AGPS: variants seen among roughly 807,000 people sequenced by gnomAD.
AGPS encodes the protein alkylglycerone phosphate synthase, also known as alkyldihydroxyacetonephosphate synthase, peroxisomal.
AGPS carries 26 observed loss-of-function variants against 90.7 expected under a neutral mutation model. The observed-to-expected ratio is 0.29, with a 90% confidence interval of 0.21 to 0.40. The LOEUF (loss-of-function observed/expected upper bound fraction) is 0.40. Among genes scored for constraint, AGPS ranks in the 10% least tolerant of loss-of-function variants. The pLI, the probability that AGPS is intolerant of heterozygous loss-of-function variation, is 1.00. For missense variants in AGPS, 540 were observed against 816.1 expected, an observed-to-expected ratio of 0.66 and a Z score of 4.12; for synonymous variants, 294 against 285.3, an observed-to-expected ratio of 1.03 and a Z score of -0.31.
At chr2:177,407,753 A>G (rs1685506127) in intron 1 of AGPS, among the ~76,000 whole-genome samples, 1 of 151,766 alleles carries the variant, frequency 6.6e-6, no homozygotes, top group Admixed American at 6.6e-5. Context: ...GGAGGTACTC[A>G]GTGGCAATAA....
intron 19 of AGPS, among the ~76,000 whole-genome samples, chr2:177,529,883 A>G (rs181280196): frequency 6.6e-6 from 1 of 152,198 alleles, no homozygotes; most frequent in African/African-American, 2.4e-5. Flanking sequence ...TCTCTGACTT[A>G]CACTTTCCTC....
At chr2:177,467,293 A>G (rs1391632023) in intron 9 of AGPS, among the ~76,000 whole-genome samples, 1 of 152,250 alleles carries the variant, frequency 6.6e-6, no homozygotes, top group African/African-American at 2.4e-5. Context: ...TTAAAGAGTT[A>G]TATAATTCTT....
intron 8 of AGPS, among the ~76,000 whole-genome samples, chr2:177,458,059 C>T (rs1687171819): frequency 6.6e-6 from 1 of 152,162 alleles, no homozygotes; most frequent in Admixed American, 6.5e-5. Flanking sequence ...CAATGTAATC[C>T]ATCACATAAA....
intron 1 of AGPS, among the ~76,000 whole-genome samples, chr2:177,405,643 T>C (rs1397033021): frequency 6.6e-6 from 1 of 151,632 alleles, no homozygotes; most frequent in African/African-American, 2.4e-5. Flanking sequence ...TTATCTCTTC[T>C]TAGCTTCCAT....
At chr2:177,397,476 T>A (rs1685215110) in intron 1 of AGPS, among the ~76,000 whole-genome samples, 1 of 151,970 alleles carries the variant, frequency 6.6e-6, no homozygotes, top group Admixed American at 6.6e-5. Flanking sequence ...TCAGTTTTTT[T>A]TTTTTTTAAG....
At chr2:177,431,759 G>T (rs1010813649) in intron 2 of AGPS, among the ~76,000 whole-genome samples, 4 of 152,124 alleles carry the variant, frequency 2.6e-5, no homozygotes, top group African/African-American at 9.7e-5. Context: ...CTTTGGTTGT[G>T]TTCCCTTGTT....
intron 14 of AGPS, among the ~76,000 whole-genome samples, chr2:177,504,905 A>T (rs1688665660): frequency 6.6e-6 from 1 of 152,114 alleles, no homozygotes; most frequent in South Asian, 2.1e-4. Flanking sequence ...ATTAATTCTA[A>T]CTAGATCATC....
At position 177,392,801 on chromosome 2, in the gene AGPS, G is replaced by A; in HGVS notation, c.12G>A (p.Ala4=). Reference sequence around the variant, plus strand: ...ACAAGGCGGTAGCCATGGCGGAGGCGGCGGCTGCAGCGGGTGGGACTGGCT... The same window carrying A: ...ACAAGGCGGTAGCCATGGCGGAGGCAGCGGCTGCAGCGGGTGGGACTGGCT... The part of the protein sequence containing the change: MAE[A]AAAAGGTGLG... The change falls in exon 1 of 20, where the codon GCG becomes GCA. Residue 4 remains alanine (A), a synonymous_variant. Coordinates refer to ENST00000264167, the MANE Select transcript of AGPS (RefSeq NM_003659.4). 2.0e-6 allele frequency: 3 copies of A among 1,503,120 alleles called. No individual in the cohort carries two copies. The highest frequency in any genetic ancestry group is 2.6e-6 in the Non-Finnish European group (3 of 1,138,986). The allele number at this position is 1,503,120 out of a possible 1,614,324, so 93.1% of individuals were successfully genotyped here.
chr2:177,495,938 A>G (rs941998068), intron 12 of AGPS, among the ~76,000 whole-genome samples: 5 of 136,972 alleles, frequency 3.7e-5, no homozygotes, highest in Non-Finnish European at 8.0e-5. Flanking sequence ...AAAAAAAAAA[A>G]CAAACCCACA....
At position 177,543,087 on chromosome 2, in the gene AGPS, T is replaced by G. The variant is rs1268484463; in HGVS notation, c.*4892T>G. ...TACACATCGAATCAGTCAATGGGAT[T>G]TGTATGTGCTTTTCCTTCCTACATT... On this transcript the variant is annotated 3_prime_UTR_variant, in exon 20 of 20. Coordinates refer to ENST00000264167, the MANE Select transcript of AGPS (RefSeq NM_003659.4). 2.0e-5 allele frequency: 3 copies of G among 152,226 alleles called. No individual in the cohort carries two copies. The highest frequency in any genetic ancestry group is 7.2e-5 in the African/African-American group (3 of 41,460). 9.4% of individuals were successfully genotyped at this position (152,226 alleles called of 1,614,324 possible). A position where few individuals can be genotyped will look rare whatever the true frequency, so the allele number is the denominator to read the frequency against.
At chr2:177,488,300 C>T (rs1359635825) in intron 11 of AGPS, among the ~76,000 whole-genome samples, 1 of 151,832 alleles carries the variant, frequency 6.6e-6, no homozygotes, top group Non-Finnish European at 1.5e-5. Flanking sequence ...GCAAGCTCCA[C>T]CTCCCAGGTT....
intron 17 of AGPS, among the ~76,000 whole-genome samples, chr2:177,520,465 G>A (rs1478461358): frequency 6.6e-6 from 1 of 152,190 alleles, no homozygotes; most frequent in Non-Finnish European, 1.5e-5. Context: ...AAAGGAACCA[G>A]GTTTCTTGTT....
chr2:177,502,509 T>C (rs1688589970), intron 14 of AGPS, among the ~76,000 whole-genome samples: 1 of 150,112 alleles, frequency 6.7e-6, no homozygotes, highest in South Asian at 2.1e-4. Flanking sequence ...TCAGCCTCCC[T>C]GGGCTCAAAG....
chr2:177,488,080 TTAAA>T (rs1327746460), intron 11 of AGPS, among the ~76,000 whole-genome samples: 1 of 152,208 alleles, frequency 6.6e-6, no homozygotes, highest in Non-Finnish European at 1.5e-5. Flanking sequence ...AACTGTAGCC[TTAAA>T]TAGTCTATCA....
Position 177,436,766 on chromosome 2 carries a change from A to G in AGPS, c.444A>G (p.Ala148=), listed in dbSNP as rs1456151358. 2 of 1,611,112 alleles carry G rather than the reference A, an allele frequency of 1.2e-6. No individual in the cohort carries two copies. The highest frequency in any genetic ancestry group is 3.3e-5 in the Admixed American group (2 of 59,986). Residue 148 remains alanine, a splice_region_variant and synonymous_variant, in exon 4 of 20, where the codon GCA becomes GCG. Coordinates refer to ENST00000264167, the MANE Select transcript of AGPS (RefSeq NM_003659.4). The stretch of plus-strand genomic sequence containing the variant: ...AAGAAATCAATTTTATTTTCTAGGC[A>G]TCCTTAAATCCTAGTGATACACCTC... The part of the protein sequence containing the change: ...VNVEHKTTSK[A]SLNPSDTPPS...
At chr2:177,493,870 T>G (rs1323247891) in intron 12 of AGPS, among the ~76,000 whole-genome samples, 1 of 152,106 alleles carries the variant, frequency 6.6e-6, no homozygotes, top group African/African-American at 2.4e-5. Context: ...TTTGAGGGCT[T>G]TGAGCATGGC....
chr2:177,437,281 G>A (rs1007777098), intron 5 of AGPS, among the ~76,000 whole-genome samples: 2 of 152,040 alleles, frequency 1.3e-5, no homozygotes, highest in Non-Finnish European at 2.9e-5. Context: ...CATTTTAAAT[G>A]TAAATAATCA....
At chr2:177,493,845 G>A (rs1053877968) in intron 12 of AGPS, among the ~76,000 whole-genome samples, 1 of 152,172 alleles carries the variant, frequency 6.6e-6, no homozygotes, top group African/African-American at 2.4e-5. Context: ...AGATGAAACA[G>A]CTCAAGAAGC....
intron 1 of AGPS, among the ~76,000 whole-genome samples, chr2:177,397,042 C>T (rs922930389): frequency 2.7e-5 from 4 of 150,900 alleles, no homozygotes; most frequent in Admixed American, 6.6e-5. Context: ...CGGGTTCAAG[C>T]GATTCTCCTG....
Sources: gnomAD v4.1 joint callset for allele counts (sites outside exome capture counted in the v4.1 genomes callset) on GRCh38, gnomAD v4.1.1 for gene constraint, MANE v1.5 for transcripts, NCBI Gene and HGNC (gene_info 2026-07-23, HGNC 2026-07-21) for gene names.